Variants in INPP5A observed in about 807,000 individuals in gnomAD.
The protein encoded by INPP5A is 43 kDa inositol polyphosphate 5-phophatase.
In INPP5A, 14 loss-of-function variants were observed where a neutral mutation model predicts 65.2. The observed-to-expected ratio is 0.21, with a 90% CI of 0.14 to 0.34. INPP5A has a LOEUF of 0.34. INPP5A is among the 10% of genes least tolerant of loss of function. INPP5A has a pLI of 1.00. For missense variants in INPP5A, 431 were observed against 545.6 expected (o/e 0.79, Z 2.09); for synonymous variants, 207 against 208.3 (o/e 0.99, Z 0.05).
chr10:132,715,759 C>T (rs577833662), intron 8 of INPP5A, among the ~76,000 whole-genome samples: 1 of 152,382 alleles, frequency 6.6e-6, no homozygotes, highest in South Asian at 2.1e-4. Flanking sequence ...TCGCGCTCCT[C>T]ACACTCCCGC....
rs1224040086 is a variant in INPP5A at position 132,575,129 on chromosome 10, G to A, written c.76-32786G>A. On this transcript the variant is annotated intron_variant, in intron 1 of 15. Coordinates refer to ENST00000368594, the MANE Select transcript of INPP5A (RefSeq NM_005539.5). The surrounding 1 kb of genome is among the most constrained non-coding windows in gnomAD (Gnocchi z 5.4). ...AGGTGACAGGTGACCCAGCCTTCAG[G>A]CTCCCTGTCCAGCCGCTGGGACTCT... 6.6e-6 allele frequency among the ~76,000 whole-genome samples: 1 copy of A among 152,176 alleles called. No homozygotes were observed.
At chr10:132,544,440 C>CT (rs751954237) in intron 1 of INPP5A, among the ~76,000 whole-genome samples, 13 of 151,146 alleles carry the variant, frequency 8.6e-5, no homozygotes, top group South Asian at 6.3e-4. Context: ...TCTCAGCAGT[C>CT]TTTTTTTTTG....
At chr10:132,570,192 T>C (rs1227769380) in intron 1 of INPP5A, among the ~76,000 whole-genome samples, 1 of 152,062 alleles carries the variant, frequency 6.6e-6, no homozygotes, top group East Asian at 1.9e-4. Flanking sequence ...GGTGATCCAC[T>C]CGCCTCAGCC....
At chr10:132,713,520 T>C (rs1347411566) in intron 8 of INPP5A, among the ~76,000 whole-genome samples, 5 of 152,136 alleles carry the variant, frequency 3.3e-5, no homozygotes, top group Non-Finnish European at 7.4e-5. Context: ...AGCGGGTATA[T>C]GGCCTTGGCT....
intron 11 of INPP5A, among the ~76,000 whole-genome samples, chr10:132,764,778 G>C (rs577650732): frequency 2.8e-4 from 38 of 134,770 alleles, no homozygotes; most frequent in African/African-American, 1.0e-3. Flanking sequence ...TGTGCGTGGT[G>C]ACACTCAGAA....
chr10:132,777,823 G>A (rs1400454678), intron 13 of INPP5A, 41 bp downstream of exon 13: 2 of 1,600,420 alleles, frequency 1.2e-6, no homozygotes, highest in African/African-American at 1.3e-5. Flanking sequence ...AGAGGGATGT[G>A]GAGCGCTGGG....
chr10:132,550,451 T>C lies in INPP5A; in HGVS notation c.75+12280T>C, dbSNP rs2071035563. The stretch of plus-strand genomic sequence containing the variant: ...GTGCCACCTGTGACACTGCTGTCAC[T>C]CCAAGGTGCACCTCACCACACCTGG... On this transcript the variant is annotated intron_variant, in intron 1 of 15. Coordinates refer to ENST00000368594, the MANE Select transcript of INPP5A (RefSeq NM_005539.5). This position sits in a 1 kb window ranked among gnomAD's most constrained non-coding sequence, Gnocchi z 4.2. Among the ~76,000 whole-genome samples the C allele has an allele frequency of 6.6e-6, 1 of 152,132 alleles. No individual in the cohort carries two copies. The highest frequency in any genetic ancestry group is 1.5e-5 in the Non-Finnish European group (1 of 67,994).
chr10:132,644,137 G>A lies in INPP5A; in HGVS notation c.118-1731G>A, dbSNP rs908322059. Among the ~76,000 whole-genome samples, 8 of 152,314 alleles carry A rather than the reference G, an allele frequency of 5.3e-5. No individual in the cohort carries two copies. The highest frequency in any genetic ancestry group is 1.3e-4 in the Admixed American group (2 of 15,302). ...GGGACAGCTGGCCCTTGGGAACCACGTTGGGCCGTCTGTTAGGGAGAAGTG... is the reference window on the plus strand; with the variant it reads ...GGGACAGCTGGCCCTTGGGAACCACATTGGGCCGTCTGTTAGGGAGAAGTG... On this transcript the variant is annotated intron_variant, in intron 2 of 15. Coordinates refer to ENST00000368594, the MANE Select transcript of INPP5A (RefSeq NM_005539.5). This position sits in a 1 kb window ranked among gnomAD's most constrained non-coding sequence, Gnocchi z 6.5.
At chr10:132,565,136 G>T (rs1456667644) in intron 1 of INPP5A, among the ~76,000 whole-genome samples, 4 of 152,128 alleles carry the variant, frequency 2.6e-5, no homozygotes, top group Non-Finnish European at 4.4e-5. Flanking sequence ...TCGAGTCAAG[G>T]TCTCAGCTCT....
At chr10:132,658,715 T>TA (rs1220837149) in intron 4 of INPP5A, among the ~76,000 whole-genome samples, 1 of 151,994 alleles carries the variant, frequency 6.6e-6, no homozygotes, top group Non-Finnish European at 1.5e-5. Flanking sequence ...ACGGATGCTC[T>TA]AGGCCCTCTG....
At chr10:132,777,224 G>A (rs866174396) in intron 12 of INPP5A, among the ~76,000 whole-genome samples, 6 of 152,216 alleles carry the variant, frequency 3.9e-5, no homozygotes, top group African/African-American at 1.2e-4. Context: ...TGGTCAAAGC[G>A]GAGACCACGT....
In INPP5A at chr10:132,644,522, T is replaced by A. The variant is rs2072467745; in HGVS notation, c.118-1346T>A. On this transcript the variant is annotated intron_variant, in intron 2 of 15. Transcript: ENST00000368594. The surrounding 1 kb of genome is among the most constrained non-coding windows in gnomAD (Gnocchi z 6.5). Reference sequence around the variant, plus strand: ...GCGCCCTGGACCGTGGCCGCTGGGCTCCTGGGAGGTGGGCCATGCCCACAG... The same window carrying A: ...GCGCCCTGGACCGTGGCCGCTGGGCACCTGGGAGGTGGGCCATGCCCACAG... 6.6e-6 allele frequency among the ~76,000 whole-genome samples: 1 copy of A among 152,208 alleles called. No individual in the cohort carries two copies. The highest frequency in any genetic ancestry group is 2.1e-4 in the South Asian group (1 of 4,828).
chr10:132,600,715 T>C (rs983011705), intron 1 of INPP5A, among the ~76,000 whole-genome samples: 4 of 152,208 alleles, frequency 2.6e-5, no homozygotes, highest in Non-Finnish European at 5.9e-5. Flanking sequence ...GGACTTACAG[T>C]TCCACATCAC....
rs745353621 is a variant in INPP5A, at chr10:132,545,419, C to T, written c.75+7248C>T. ...AGGTCTCTCTGAGCTGTGGGGCTCA[C>T]GGAGGGACAGCCTCCAGGAAGGTGG... On this transcript the variant is annotated intron_variant, in intron 1 of 15. Transcript: ENST00000368594. The surrounding 1 kb of genome is among the most constrained non-coding windows in gnomAD (Gnocchi z 4.6). Among the ~76,000 whole-genome samples the T allele has an allele frequency of 2.3e-4, 35 of 152,136 alleles. No homozygotes were observed. Among genetic ancestry groups the T allele is most frequent in the African/African-American group, 5.3e-4 (22 of 41,424 alleles).
intron 4 of INPP5A, among the ~76,000 whole-genome samples, chr10:132,670,356 T>G (rs1269781474): frequency 1.3e-5 from 1 of 78,200 alleles, no homozygotes; most frequent in African/African-American, 5.3e-5. Flanking sequence ...AACCTGCACC[T>G]GACCCCACCC....
intron 4 of INPP5A, among the ~76,000 whole-genome samples, chr10:132,673,781 CCT>C (rs1288409861): frequency 6.6e-6 from 1 of 152,220 alleles, no homozygotes; most frequent in East Asian, 1.9e-4. Flanking sequence ...TGAGGACAAA[CCT>C]CTGCCCTTCC....
rs140446601 is a variant in INPP5A at position 132,726,835 on chromosome 10, G to A, written c.662G>A (p.Arg221Gln). The A allele has an allele frequency of 6.9e-5, 111 of 1,603,196 alleles. No individual in the cohort carries two copies. In the African/African-American group the frequency reaches 1.2e-3, roughly 17 times the overall value. Residue 221 changes from arginine to glutamine, a missense_variant, in exon 9 of 16, where the codon CGA (arginine) becomes CAA (glutamine). By Grantham distance (43) the Arg-to-Gln change is conservative. Transcript: ENST00000368594. ...TTTCTTTCCAGAATCATTGATCAGC[G>A]ATTCGAGAAGGTTTCCTACTTTGTA... is the stretch of plus-strand genomic sequence containing the variant. ...GYVLDRIIDQ[R>Q]FEKVSYFVFG...
intron 4 of INPP5A, among the ~76,000 whole-genome samples, chr10:132,687,315 A>G (rs1263884648): frequency 6.6e-6 from 1 of 152,228 alleles, no homozygotes; most frequent in African/African-American, 2.4e-5. Flanking sequence ...TTCACAGCAG[A>G]TGCCTAGTGA....
chr10:132,758,868 G>A (rs1014237510), intron 11 of INPP5A, among the ~76,000 whole-genome samples: 2 of 152,198 alleles, frequency 1.3e-5, no homozygotes, highest in East Asian at 1.9e-4. Context: ...GGTGTCCGGC[G>A]GCCCTGTCTC....
Sources: gnomAD v4.1 joint callset for allele counts (sites outside exome capture counted in the v4.1 genomes callset) on GRCh38, gnomAD v4.1.1 for gene constraint, Gnocchi (gnomAD v3.1) non-coding constraint, MANE v1.5 for transcripts, NCBI Gene and HGNC (gene_info 2026-07-23, HGNC 2026-07-21) for gene names.